RORA: variants seen among roughly 807,000 people sequenced by gnomAD.
RORA encodes nuclear receptor ROR-alpha.
A neutral mutation model predicts 69.5 loss-of-function variants in RORA; 7 were observed. The observed-to-expected ratio is 0.10, with a 90% CI of 0.06 to 0.19. The LOEUF is 0.19. Ranked by LOEUF, RORA falls within the 10% of genes least tolerant of loss-of-function variation. The pLI is 1.00. For missense variants in RORA, 457 were observed against 663.0 expected, an observed-to-expected ratio of 0.69 and a Z score of 3.41; for synonymous variants, 261 against 240.8, an observed-to-expected ratio of 1.08 and a Z score of -0.78.
At chr15:61,037,393 C>G (rs1465383967) in intron 1 of RORA, among the ~76,000 whole-genome samples, 2 of 152,170 alleles carry the variant, frequency 1.3e-5, no homozygotes, top group Non-Finnish European at 2.9e-5. Flanking sequence ...TATCCTCCCA[C>G]CATCATTTCA....
chr15:61,008,322 A>T (rs1008889679), intron 1 of RORA, among the ~76,000 whole-genome samples: 1 of 151,764 alleles, frequency 6.6e-6, no homozygotes, highest in Admixed American at 6.6e-5. Context: ...GGGACCCAAG[A>T]ATTTACTTTA....
At chr15:60,643,347 G>A (rs1425932411) in intron 2 of RORA, among the ~76,000 whole-genome samples, 1 of 152,208 alleles carries the variant, frequency 6.6e-6, no homozygotes, top group Admixed American at 6.5e-5. Context: ...AATTTCAAAA[G>A]TTAACCTAGA....
chr15:60,502,674 C>T, intron 8 of RORA, 86 bp downstream of exon 8: 1 of 858,644 alleles, frequency 1.2e-6, no homozygotes, highest in Non-Finnish European at 1.9e-6. Flanking sequence ...ATAAAGTTTT[C>T]ATTTTGTCCA....
intron 1 of RORA, among the ~76,000 whole-genome samples, chr15:61,137,637 T>C (rs753678650): frequency 1.3e-5 from 2 of 152,184 alleles, no homozygotes; most frequent in Non-Finnish European, 2.9e-5. Context: ...ACACACCTCC[T>C]CTTGGGCTCA....
intron 1 of RORA, among the ~76,000 whole-genome samples, chr15:60,879,867 C>T (rs940294119): frequency 6.6e-5 from 10 of 152,346 alleles, no homozygotes; most frequent in Admixed American, 6.5e-4. Context: ...CATAAACCTT[C>T]CACATCTACG....
intron 1 of RORA, among the ~76,000 whole-genome samples, chr15:60,805,107 T>G (rs1233148087): frequency 6.6e-6 from 1 of 152,180 alleles, no homozygotes; most frequent in Non-Finnish European, 1.5e-5. Flanking sequence ...CGCCAGTCAC[T>G]TCCCCAACCT....
chr15:60,615,062 A>G (rs2069198409), intron 2 of RORA: 2 of 1,593,246 alleles, frequency 1.3e-6, no homozygotes, highest in Non-Finnish European at 1.7e-6. Context: ...CAACCCACAC[A>G]CAGCCCCCTT....
At chr15:60,949,207 C>A (rs1486102912) in intron 1 of RORA, among the ~76,000 whole-genome samples, 2 of 152,142 alleles carry the variant, frequency 1.3e-5, no homozygotes, top group African/African-American at 4.8e-5. Context: ...AAGCTCACAG[C>A]CTAACGTGTT....
intron 1 of RORA, chr15:60,682,269 A>T (rs2070654350): frequency 6.6e-6 from 1 of 152,244 alleles, no homozygotes; most frequent in Admixed American, 6.5e-5. Flanking sequence ...ACCAAACTGA[A>T]TTACCATGTG....
At chr15:60,777,726 C>A (rs188240613) in intron 1 of RORA, among the ~76,000 whole-genome samples, 1 of 152,246 alleles carries the variant, frequency 6.6e-6, no homozygotes, top group African/African-American at 2.4e-5. Context: ...GCAGCAGAGT[C>A]CAGGTGCTCA....
intron 1 of RORA, among the ~76,000 whole-genome samples, chr15:60,972,418 A>T (rs1479551425): frequency 6.6e-6 from 1 of 152,232 alleles, no homozygotes; most frequent in African/African-American, 2.4e-5. Context: ...AGCATCTGTG[A>T]TACTGTTGGA....
At chr15:60,973,537 C>G (rs1199586026) in intron 1 of RORA, among the ~76,000 whole-genome samples, 1 of 152,210 alleles carries the variant, frequency 6.6e-6, no homozygotes, top group Non-Finnish European at 1.5e-5. Context: ...CAAAGCGTAG[C>G]CTGCAGTAGT....
At chr15:60,593,232 C>A in intron 2 of RORA, 1 of 185,210 alleles carries the variant, frequency 5.4e-6, no homozygotes, top group Non-Finnish European at 1.1e-5. Flanking sequence ...TCCCCCCCAA[C>A]CCCCTTCCCC....
rs114664920 is a variant in RORA at position 60,651,422 on chromosome 15, A to G, written c.196+27235T>C. Among the ~76,000 whole-genome samples the G allele has an allele frequency of 3.8e-3, 579 of 152,280 alleles. 3 individuals are homozygous for G. Among genetic ancestry groups the G allele is most frequent in the African/African-American group, 0.014 (565 of 41,570 alleles). Reference sequence around the variant, plus strand: ...CCTATTTACATATGTCCCGCTGCATACATACTTAGCTATGTCAATATCCAC... The same window carrying G: ...CCTATTTACATATGTCCCGCTGCATGCATACTTAGCTATGTCAATATCCAC... On this transcript the variant is annotated intron_variant, in intron 2 of 10. Transcript: ENST00000335670.
chr15:60,993,858 G>A (rs959345787), intron 1 of RORA, among the ~76,000 whole-genome samples: 3 of 152,046 alleles, frequency 2.0e-5, no homozygotes, highest in Non-Finnish European at 2.9e-5. Context: ...ACAATTTAGG[G>A]GGTGGATCCC....
At chr15:61,136,940 C>G (rs1428311803) in intron 1 of RORA, among the ~76,000 whole-genome samples, 2 of 151,616 alleles carry the variant, frequency 1.3e-5, no homozygotes, top group African/African-American at 4.9e-5. Flanking sequence ...TTGGCATCCA[C>G]TCATTCCAAG....
chr15:60,567,418 T>TA (rs199834385), intron 2 of RORA, among the ~76,000 whole-genome samples: 326 of 148,920 alleles, frequency 2.2e-3, no homozygotes, highest in African/African-American at 4.0e-3. Context: ...TTATTATTAT[T>TA]TTTTTTTTTC....
At chr15:61,013,161 C>G (rs1024219898) in intron 1 of RORA, among the ~76,000 whole-genome samples, 3 of 152,200 alleles carry the variant, frequency 2.0e-5, no homozygotes, top group Non-Finnish European at 4.4e-5. Flanking sequence ...CTTTACTTTT[C>G]TGAGCCTCAA....
chr15:61,229,172 C>A lies in RORA; in HGVS notation c.47G>T (p.Gly16Val). ...AAPDPAASEP[G>V]SSGADAAAGS... ...GGCGGCCGCGTCCGCGCCGCTGCTG[C>A]CTGGCTCGCTGGCGGCGGGGTCGGG... Residue 16 changes from glycine to valine, a missense_variant, in exon 1 of 11, where the codon GGC becomes GTC. Transcript: ENST00000335670. The A allele has an allele frequency of 6.4e-7, 1 of 1,554,100 alleles. No individual in the cohort carries two copies. The highest frequency in any genetic ancestry group is 2.4e-5 in the East Asian group (1 of 41,694).
Sources: allele counts gnomAD v4.1 joint callset (sites outside exome capture counted in the v4.1 genomes callset), GRCh38; gene constraint gnomAD v4.1.1; transcripts MANE v1.5; gene names NCBI Gene and HGNC (gene_info 2026-07-23, HGNC 2026-07-21).